GFM1: variants seen among roughly 807,000 people sequenced by gnomAD.
GFM1 encodes G elongation factor mitochondrial 1, also known as elongation factor G, mitochondrial.
A neutral mutation model predicts 96.2 loss-of-function variants in GFM1; 62 were observed. That is an observed-to-expected ratio of 0.64 (90% CI 0.53 to 0.80). The LOEUF is 0.80. Ranked by LOEUF, GFM1 falls within the 30% of genes least tolerant of loss-of-function variation. The pLI, the probability that GFM1 is intolerant of heterozygous loss-of-function variation, is 0.00. For synonymous variants in GFM1, 282 were observed against 312.9 expected, an observed-to-expected ratio of 0.90 and a Z score of 1.04; for missense variants, 852 against 916.6, an observed-to-expected ratio of 0.93 and a Z score of 0.91.
chr3:158,689,220 A>G (rs1726110419), intron 15 of GFM1, among the ~76,000 whole-genome samples: 1 of 152,220 alleles, frequency 6.6e-6, no homozygotes, highest in African/African-American at 2.4e-5. Context: ...TATGTATTAA[A>G]TGGGATAAAA....
At position 158,691,389 on chromosome 3, in the gene GFM1, C is replaced by T. The variant is rs2108120278; in HGVS notation, c.2178C>T (p.Ser726=). 2 of 1,613,690 alleles carry T rather than the reference C, an allele frequency of 1.2e-6. No individual in the cohort carries two copies. Among genetic ancestry groups the T allele is most frequent in the Non-Finnish European group, 1.7e-6 (2 of 1,179,726 alleles). The change falls in exon 18 of 18, where the codon TCC becomes TCT. Residue 726 remains serine (S), a synonymous_variant. Coordinates refer to ENST00000486715, the MANE Select transcript of GFM1 (RefSeq NM_024996.7). ...EYSRYQPCLP[S]TQEDVINKYL... The stretch of plus-strand genomic sequence containing the variant: ...GCAGGTATCAGCCATGTTTACCATC[C>T]ACACAAGAAGACGTCATTAATAAGT...
rs1307688192 is a variant in GFM1, at chr3:158,669,034, A to G, written c.1601+2648A>G. On this transcript the variant is annotated intron_variant, in intron 13 of 17. Coordinates refer to ENST00000486715, the MANE Select transcript of GFM1 (RefSeq NM_024996.7). ...GTTTGAATTTTTACCATTTTATACC[A>G]TGTGTCTTCAGTAGAATTTTGCCAT... 3 of 1,613,350 alleles carry G rather than the reference A, an allele frequency of 1.9e-6. No homozygotes were observed. In the East Asian group the frequency reaches 6.7e-5, roughly 36 times the overall value.
intron 5 of GFM1, chr3:158,650,223 A>C: frequency 1.5e-6 from 1 of 659,386 alleles, no homozygotes; most frequent in Non-Finnish European, 2.7e-6. Flanking sequence ...ACTCCTTAGG[A>C]TATAAGGCCC....
chr3:158,650,242 A>T, intron 5 of GFM1: 1 of 611,320 alleles, frequency 1.6e-6, no homozygotes, highest in East Asian at 2.8e-5. Context: ...CCAGTAAGGC[A>T]GAGTTTTTGT....
chr3:158,653,757 TAAA>T (rs11457459), intron 7 of GFM1, among the ~76,000 whole-genome samples: 1 of 147,538 alleles, frequency 6.8e-6, no homozygotes, highest in African/African-American at 2.5e-5. Flanking sequence ...GACATACTGT[TAAA>T]AAAAAAAAAG....
chr3:158,675,310 A>AAAAAGG lies in GFM1; in HGVS notation c.1602-6685_1602-6684insAAAAGG, dbSNP rs370161147. Among the ~76,000 whole-genome samples the AAAAAGG allele has an allele frequency of 1.8e-3, 201 of 113,984 alleles. 17 individuals are homozygous for AAAAAGG. The highest frequency in any genetic ancestry group is 7.0e-3 in the Middle Eastern group (1 of 142). The allele number at this position is 113,984 out of a possible 152,430, so 74.8% of individuals were successfully genotyped here. A position where few individuals can be genotyped will look rare whatever the true frequency, so the allele number is the denominator to read the frequency against. The stretch of plus-strand genomic sequence containing the variant: ...CAAAAAAAAAAAAAAAAAAAAAAAA[A>AAAAAGG]CAAGTTTTCAAGATAAAAGAGGAGC... On this transcript the variant is annotated intron_variant, in intron 13 of 17. Transcript: ENST00000486715.
rs762075778 is a variant in GFM1, at chr3:158,645,730, A to G, written c.183A>G (p.Thr61=). 1.7e-5 allele frequency: 27 copies of G among 1,612,242 alleles called. No homozygotes were observed. The South Asian group carries it at 2.6e-4, about 16-fold the overall frequency. ...ISAHIDSGKT[T]LTERVLYYTG... is the part of the protein sequence containing the mutation. ...CTCACATTGATTCTGGGAAAACTAC[A>G]TTAACAGAACGAGTCCTTTACTACA... The change falls in exon 2 of 18, where the codon ACA becomes ACG. Residue 61 remains threonine (T), a synonymous_variant. Transcript: ENST00000486715.
At chr3:158,672,211 G>T in intron 13 of GFM1, 1 of 1,046,608 alleles carries the variant, frequency 9.6e-7, no homozygotes. Flanking sequence ...CTCAAGACCA[G>T]ATACCAGCAG....
At chr3:158,667,906 CAG>C (rs1723867829) in intron 13 of GFM1, among the ~76,000 whole-genome samples, 2 of 152,154 alleles carry the variant, frequency 1.3e-5, no homozygotes, top group South Asian at 2.1e-4. Context: ...AGGGAAAAAA[CAG>C]ATAGTTTCAG....
At position 158,694,152 on chromosome 3, in the gene GFM1, C is replaced by T. The variant is rs1375671497; in HGVS notation, c.*2685C>T. Among the ~76,000 whole-genome samples the T allele has an allele frequency of 1.3e-5, 2 of 151,970 alleles. No individual in the cohort carries two copies. Among genetic ancestry groups the T allele is most frequent in the African/African-American group, 4.8e-5 (2 of 41,380 alleles). ...TGCACACATTCATTGCAGAACTGTT[C>T]ATAATGGCAAAGATATGGAATCAAC... On this transcript the variant is annotated 3_prime_UTR_variant, in exon 18 of 18. Coordinates refer to ENST00000486715, the MANE Select transcript of GFM1 (RefSeq NM_024996.7).
intron 16 of GFM1, among the ~76,000 whole-genome samples, chr3:158,690,737 A>G (rs191855181): frequency 6.6e-6 from 1 of 152,316 alleles, no homozygotes; most frequent in Non-Finnish European, 1.5e-5. Context: ...GAAGGTGTTT[A>G]TTACATTTCA....
At chr3:158,672,184 C>T (rs1379318967) in intron 13 of GFM1, among the ~76,000 whole-genome samples, 1 of 152,228 alleles carries the variant, frequency 6.6e-6, no homozygotes, top group East Asian at 1.9e-4. Context: ...TAGACATTCC[C>T]CCAGAAACCT....
intron 13 of GFM1, chr3:158,672,316 G>T (rs1724405902): frequency 6.2e-7 from 1 of 1,610,794 alleles, no homozygotes. Context: ...CAATCCTGAA[G>T]CCTCTGCTGT....
Position 158,666,593 on chromosome 3 carries a change from A to AT in GFM1, c.1601+209dup, listed in dbSNP as rs1723707953. On this transcript the variant is annotated intron_variant, in intron 13 of 17. Transcript: ENST00000486715. ...GCCTCATAAGCTAGATGCCAGTGAA[A>AT]TTGGCATACACATCAATAGACATGT... 5 of 1,496,904 alleles carry AT rather than the reference A, an allele frequency of 3.3e-6. No individual in the cohort carries two copies. In the East Asian group the frequency reaches 1.1e-4, roughly 34 times the overall value. The allele number at this position is 1,496,904 out of a possible 1,614,324, so 92.7% of individuals were successfully genotyped here.
intron 13 of GFM1, among the ~76,000 whole-genome samples, chr3:158,677,270 T>C (rs1250108996): frequency 6.6e-6 from 1 of 152,206 alleles, no homozygotes; most frequent in East Asian, 1.9e-4. Flanking sequence ...CAAAGCTTAA[T>C]CCAGAGGAAG....
chr3:158,690,663 T>A (rs893147858), intron 16 of GFM1: 8 of 337,738 alleles, frequency 2.4e-5, no homozygotes, highest in South Asian at 1.7e-4. Flanking sequence ...TACTTTATTG[T>A]TATCTTTAAT....
intron 13 of GFM1, among the ~76,000 whole-genome samples, chr3:158,677,563 C>T (rs1016411352): frequency 5.3e-5 from 8 of 152,088 alleles, no homozygotes; most frequent in South Asian, 2.1e-4. Flanking sequence ...TGCAGTGGCA[C>T]GATCTCGGCT....
intron 14 of GFM1, among the ~76,000 whole-genome samples, chr3:158,682,841 A>G (rs896598233): frequency 1.3e-5 from 2 of 152,090 alleles, no homozygotes; most frequent in African/African-American, 2.4e-5. Flanking sequence ...CGTGGGCAAC[A>G]TGCTGAAACC....
intron 13 of GFM1, among the ~76,000 whole-genome samples, chr3:158,679,391 C>T (rs1725174623): frequency 6.6e-6 from 1 of 152,102 alleles, no homozygotes; most frequent in African/African-American, 2.4e-5. Context: ...TGTTTTGATG[C>T]TTTGAAAAAG....
Sources: gnomAD v4.1 joint callset for allele counts (sites outside exome capture counted in the v4.1 genomes callset) on GRCh38, gnomAD v4.1.1 for gene constraint, MANE v1.5 for transcripts, NCBI Gene and HGNC (gene_info 2026-07-23, HGNC 2026-07-21) for gene names.